SOS2: variants seen among roughly 807,000 people sequenced by gnomAD.
The protein encoded by SOS2 is son of sevenless homolog 2.
SOS2 carries 65 observed loss-of-function variants against 148.2 expected under a neutral mutation model. That is an observed-to-expected ratio of 0.44 (90% CI 0.36 to 0.54). The LOEUF is 0.54. SOS2 is among the 20% of genes least tolerant of loss of function. SOS2 has a pLI of 0.00. For synonymous variants in SOS2, 539 were observed against 537.1 expected (o/e 1.00, Z -0.05); for missense variants, 1,341 against 1,590.2 (o/e 0.84, Z 2.67).
At chr14:50,207,914 A>G (rs2139808425) in intron 1 of SOS2, among the ~76,000 whole-genome samples, 1 of 151,846 alleles carries the variant, frequency 6.6e-6, no homozygotes, top group South Asian at 2.1e-4. Context: ...AAAAAAAAAA[A>G]GAAAAGAAAA....
intron 2 of SOS2, among the ~76,000 whole-genome samples, chr14:50,201,532 G>GAAAAA (rs11342999): frequency 3.3e-5 from 3 of 90,566 alleles, no homozygotes; most frequent in South Asian, 3.6e-4. Context: ...ACCCCCAACA[G>GAAAAA]AAAAAAAAAA....
At chr14:50,175,967 T>A (rs747385522) in intron 7 of SOS2, among the ~76,000 whole-genome samples, 1 of 152,256 alleles carries the variant, frequency 6.6e-6, no homozygotes, top group South Asian at 2.1e-4. Context: ...GATTAATTCA[T>A]TTTCACATTT....
Position 50,204,313 on chromosome 14 carries a change from C to G in SOS2, c.184G>C (p.Ala62Pro). 1.2e-6 allele frequency: 2 copies of G among 1,603,466 alleles called. No individual in the cohort carries two copies. The highest frequency in any genetic ancestry group is 1.7e-6 in the Non-Finnish European group (2 of 1,174,368). Residue 62 changes from alanine to proline, a missense_variant, in exon 2 of 23, where the codon GCC becomes CCC. Ala to Pro is a conservative substitution (Grantham distance 27). Coordinates refer to ENST00000216373, the MANE Select transcript of SOS2 (RefSeq NM_006939.4). ...IFQLLNKLCM[A>P]QPRTVQDVEE... ...ACATCTTGAACAGTCCTTGGCTGGG[C>G]CATGCATAATTTATTAAGCAGCTGA...
intron 18 of SOS2, among the ~76,000 whole-genome samples, chr14:50,136,064 T>C (rs1884069776): frequency 6.6e-6 from 1 of 152,202 alleles, no homozygotes; most frequent in African/African-American, 2.4e-5. Flanking sequence ...TCTTCCCATT[T>C]TTAAGGCATT....
At chr14:50,215,472 A>T (rs1290956996) in intron 1 of SOS2, 6 of 1,246,316 alleles carry the variant, frequency 4.8e-6, no homozygotes, top group Non-Finnish European at 6.2e-6. Flanking sequence ...CGACAGAACC[A>T]ATTTGCCTAT....
At position 50,157,069 on chromosome 14, in the gene SOS2, T is replaced by C; in HGVS notation, c.1987A>G (p.Lys663Glu). Reference sequence around the variant, plus strand: ...TCTGCACTGATTGGCTGCTCGCCTTTCTCTATTGCCAATTTGTCTGCGTCA... The same window carrying C: ...TCTGCACTGATTGGCTGCTCGCCTTCCTCTATTGCCAATTTGTCTGCGTCA... ...PTDADKLAIE[K>E]GEQPISADLK... Residue 663 changes from lysine to glutamate, a missense_variant, in exon 12 of 23, where the codon AAA (lysine) becomes GAA (glutamate). Around this residue, in one of 4 missense-constraint regions of SOS2, gnomAD observed 408 missense variants for 506.6 expected, o/e 0.81. Coordinates refer to ENST00000216373, the MANE Select transcript of SOS2 (RefSeq NM_006939.4). 6.2e-7 allele frequency: 1 copy of C among 1,612,880 alleles called. No individual in the cohort carries two copies. Among genetic ancestry groups the C allele is most frequent in the Non-Finnish European group, 8.5e-7 (1 of 1,179,230 alleles).
chr14:50,195,612 T>C (rs1230320045), intron 4 of SOS2, among the ~76,000 whole-genome samples: 3 of 151,816 alleles, frequency 2.0e-5, no homozygotes, highest in African/African-American at 7.3e-5. Flanking sequence ...AATTTAGAAA[T>C]TAGCTGGGCA....
intron 21 of SOS2, among the ~76,000 whole-genome samples, chr14:50,121,133 A>C (rs983849653): frequency 6.6e-6 from 1 of 152,190 alleles, no homozygotes; most frequent in East Asian, 1.9e-4. Context: ...GTTATATCAC[A>C]TAACTCTTTG....
Position 50,118,440 on chromosome 14 carries a change from A to C in SOS2, c.3903T>G (p.His1301Gln). Residue 1301 changes from histidine to glutamine, a missense_variant, in exon 23 of 23, where the codon CAT (histidine) becomes CAG (glutamine). By Grantham distance (24) the His-to-Gln change is conservative. Transcript: ENST00000216373. ...AAGTCTTTGGTGGCAGTTTTGGCAGATGAGGGCTTGAATTCTGCCTTGGTG... is the reference window on the plus strand; with the variant it reads ...AAGTCTTTGGTGGCAGTTTTGGCAGCTGAGGGCTTGAATTCTGCCTTGGTG... Reference protein sequence around the residue: ...PVPPRQNSSPHLPKLPPKTYK... With the variant: ...PVPPRQNSSPQLPKLPPKTYK... 6.2e-7 allele frequency: 1 copy of C among 1,614,220 alleles called. No homozygotes were observed. The highest frequency in any genetic ancestry group is 8.5e-7 in the Non-Finnish European group (1 of 1,180,034).
intron 12 of SOS2, chr14:50,156,485 C>T (rs1244030132): frequency 2.0e-5 from 3 of 152,220 alleles, no homozygotes; most frequent in African/African-American, 4.8e-5. Context: ...GAAGCTTCTA[C>T]AATCAAACAC....
chr14:50,150,124 A>G lies in SOS2; in HGVS notation c.2268T>C (p.Pro756=). 1.2e-6 allele frequency: 2 copies of G among 1,612,892 alleles called. No individual in the cohort carries two copies. Among genetic ancestry groups the G allele is most frequent in the South Asian group, 2.2e-5 (2 of 91,056 alleles). Residue 756 remains proline, a synonymous_variant, in exon 14 of 23, where the codon CCT becomes CCC. Coordinates refer to ENST00000216373, the MANE Select transcript of SOS2 (RefSeq NM_006939.4). The part of the protein sequence containing the change: ...VSHNITFESP[P]PPIEWHISKP... ...TGCTGATATGCCATTCAATTGGTGG[A>G]GGTGGACTTTCAAAGGTAATATTAT... is the stretch of plus-strand genomic sequence containing the variant.
At chr14:50,209,274 C>CGCGTGTGTGTGTGTGTGT (rs1415473469) in intron 1 of SOS2, among the ~76,000 whole-genome samples, 1 of 118,276 alleles carries the variant, frequency 8.5e-6, no homozygotes, top group African/African-American at 2.9e-5. Context: ...CCTTAAATGT[C>CGCGTGTGTGTGTGTGTGT]GTGTGTGTGT....
chr14:50,220,855 C>T (rs1261968902), intron 1 of SOS2, among the ~76,000 whole-genome samples: 1 of 152,134 alleles, frequency 6.6e-6, no homozygotes, highest in African/African-American at 2.4e-5. Context: ...TTTGAATGGC[C>T]TATGACCCAG....
chr14:50,182,035 T>A (rs1885758885), intron 6 of SOS2, among the ~76,000 whole-genome samples: 1 of 151,334 alleles, frequency 6.6e-6, no homozygotes, highest in African/African-American at 2.4e-5. Context: ...CTAGTTTATA[T>A]ACTACTCTAG....
chr14:50,189,061 T>TCTCA (rs754710630), intron 4 of SOS2, among the ~76,000 whole-genome samples: 52 of 128,688 alleles, frequency 4.0e-4, no homozygotes, highest in Non-Finnish European at 6.9e-4. Context: ...CGAGACTCCA[T>TCTCA]CACACACACA....
intron 21 of SOS2, 21 bp downstream of exon 21, chr14:50,129,940 A>T (rs1249126473): frequency 1.4e-6 from 2 of 1,481,164 alleles, no homozygotes; most frequent in Non-Finnish European, 1.9e-6. Context: ...TTCATTAAGA[A>T]TCAACTTAAA....
At chr14:50,229,227 A>G (rs1887465494) in intron 1 of SOS2, among the ~76,000 whole-genome samples, 1 of 152,094 alleles carries the variant, frequency 6.6e-6, no homozygotes, top group South Asian at 2.1e-4. Context: ...TTTTACCAAA[A>G]TTTTTCCAAA....
intron 7 of SOS2, among the ~76,000 whole-genome samples, chr14:50,178,662 GTGTGTGTGCATATATA>G (rs1885606870): frequency 1.2e-4 from 2 of 16,714 alleles, no homozygotes; most frequent in African/African-American, 4.0e-4. Flanking sequence ...GTGTGTGTGT[GTGTGTGTGCATATATA>G]TATATATATA....
chr14:50,123,194 A>G (rs746937242), intron 21 of SOS2, among the ~76,000 whole-genome samples: 1 of 152,150 alleles, frequency 6.6e-6, no homozygotes, highest in African/African-American at 2.4e-5. Flanking sequence ...AGTATTATAA[A>G]CAGCAGGAAT....
Sources: gnomAD v4.1 joint callset for allele counts (sites outside exome capture counted in the v4.1 genomes callset) on GRCh38, gnomAD v4.1.1 for gene constraint, gnomAD v4.1.1 regional missense constraint, MANE v1.5 for transcripts, NCBI Gene and HGNC (gene_info 2026-07-23, HGNC 2026-07-21) for gene names.